Variants in CWC27 observed in about 807,000 individuals in gnomAD.
The protein encoded by CWC27 is spliceosome-associated protein CWC27 homolog.
Under a neutral mutation model 63.6 loss-of-function variants are expected in CWC27, and 47 were observed. The observed-to-expected ratio is 0.74, with a 90% CI of 0.58 to 0.94. The LOEUF (loss-of-function observed/expected upper bound fraction) is 0.94, where lower values mean the gene tolerates loss of function less well. Among genes scored for constraint, CWC27 ranks in the 40% least tolerant of loss-of-function variants. The pLI is 0.00. For synonymous variants in CWC27, 175 were observed against 179.8 expected (o/e 0.97, Z 0.22); for missense variants, 495 against 554.3 (o/e 0.89, Z 1.07).
At chr5:65,009,002 TA>T (rs11396601) in intron 13 of CWC27, among the ~76,000 whole-genome samples, 7 of 150,214 alleles carry the variant, frequency 4.7e-5, no homozygotes, top group South Asian at 2.1e-4. Context: ...GTAATTTATT[TA>T]AAAAAAAAAT....
intron 11 of CWC27, among the ~76,000 whole-genome samples, chr5:64,902,835 A>G (rs1245160301): frequency 6.6e-6 from 1 of 152,224 alleles, no homozygotes; most frequent in African/African-American, 2.4e-5. Flanking sequence ...ACTATTGGGT[A>G]GTACCACCCA....
At chr5:64,982,243 A>C (rs1485080312) in intron 13 of CWC27, among the ~76,000 whole-genome samples, 4 of 152,214 alleles carry the variant, frequency 2.6e-5, no homozygotes, top group African/African-American at 7.2e-5. Context: ...CAAAGCTTTC[A>C]ATACCTTTTA....
chr5:64,998,972 T>C (rs750991716), intron 13 of CWC27, among the ~76,000 whole-genome samples: 2 of 152,082 alleles, frequency 1.3e-5, no homozygotes, highest in African/African-American at 2.4e-5. Context: ...CTTTTCTCCA[T>C]TGATCTCTTT....
At chr5:64,814,351 C>T (rs1269116584) in intron 10 of CWC27, among the ~76,000 whole-genome samples, 1 of 151,996 alleles carries the variant, frequency 6.6e-6, no homozygotes, top group Non-Finnish European at 1.5e-5. Context: ...TAATAAGCAA[C>T]TTGAAAACAA....
chr5:64,804,196 C>T, intron 9 of CWC27, 33 bp from the exon 10 acceptor site: 3 of 1,548,162 alleles, frequency 1.9e-6, no homozygotes, highest in Non-Finnish European at 2.6e-6. Flanking sequence ...GGAAATTGAG[C>T]ACCTGGCAAA....
chr5:64,897,224 C>T (rs574133541), intron 11 of CWC27, among the ~76,000 whole-genome samples: 13 of 152,180 alleles, frequency 8.5e-5, no homozygotes, highest in African/African-American at 2.9e-4. Context: ...ACCCACTGAT[C>T]CCATTACTGG....
intron 12 of CWC27, among the ~76,000 whole-genome samples, chr5:64,972,250 G>T (rs915280868): frequency 4.6e-5 from 7 of 152,162 alleles, no homozygotes; most frequent in African/African-American, 1.7e-4. Context: ...TGGTCTGCTA[G>T]CTGACTTCTA....
chr5:65,002,010 C>T (rs973195291), intron 13 of CWC27, among the ~76,000 whole-genome samples: 1 of 151,962 alleles, frequency 6.6e-6, no homozygotes, highest in Non-Finnish European at 1.5e-5. Context: ...CTGGTCTGCT[C>T]AGGTTTTCTG....
rs181922845 is a variant in CWC27 at position 64,977,118 on chromosome 5, T to C, written c.1153-17T>C. On this transcript the variant is annotated splice_polypyrimidine_tract_variant and intron_variant, in intron 12 of 13. Transcript: ENST00000381070. The stretch of plus-strand genomic sequence containing the variant: ...TTATCTTTATCAGAAAACTTAGCAG[T>C]CTAATTGTTATTTCAGACCCTTGCA... The C allele has an allele frequency of 1.9e-3, 2,858 of 1,492,840 alleles. 4 individuals carry two copies. The highest frequency in any genetic ancestry group is 3.6e-3 in the Middle Eastern group (21 of 5,772). 92.5% of individuals were successfully genotyped at this position (1,492,840 alleles called of 1,614,324 possible). A position where few individuals can be genotyped will look rare whatever the true frequency, so the allele number is the denominator to read the frequency against.
intron 11 of CWC27, among the ~76,000 whole-genome samples, chr5:64,911,189 A>G (rs141572215): frequency 3.5e-4 from 54 of 152,330 alleles, no homozygotes; most frequent in Admixed American, 2.3e-3. Flanking sequence ...CGTGTTAACA[A>G]TCATTCCATT....
intron 10 of CWC27, among the ~76,000 whole-genome samples, chr5:64,868,067 CAG>C (rs1006069010): frequency 6.6e-6 from 1 of 151,784 alleles, no homozygotes; most frequent in African/African-American, 2.4e-5. Flanking sequence ...AATGTAAAAT[CAG>C]AGTGGAGTAT....
At chr5:64,997,443 A>G (rs994987601) in intron 13 of CWC27, among the ~76,000 whole-genome samples, 1 of 152,190 alleles carries the variant, frequency 6.6e-6, no homozygotes, top group Non-Finnish European at 1.5e-5. Context: ...TCTTCAGTGT[A>G]GTCATTATTA....
At chr5:64,809,789 G>T (rs1350102279) in intron 10 of CWC27, among the ~76,000 whole-genome samples, 1 of 152,086 alleles carries the variant, frequency 6.6e-6, no homozygotes, top group Non-Finnish European at 1.5e-5. Flanking sequence ...TATATATTTT[G>T]TATATTAGCC....
intron 13 of CWC27, among the ~76,000 whole-genome samples, chr5:64,979,520 A>G (rs1005817587): frequency 6.6e-6 from 1 of 152,346 alleles, no homozygotes; most frequent in African/African-American, 2.4e-5. Context: ...AGCTTTCTCA[A>G]GTCTCTGGTG....
At chr5:64,918,987 C>A (rs1460419709) in intron 11 of CWC27, among the ~76,000 whole-genome samples, 1 of 152,150 alleles carries the variant, frequency 6.6e-6, no homozygotes, top group Non-Finnish European at 1.5e-5. Flanking sequence ...TGTTTCATAG[C>A]AGTTCTTAAA....
At chr5:64,924,075 C>G (rs996853789) in intron 11 of CWC27, among the ~76,000 whole-genome samples, 2 of 152,190 alleles carry the variant, frequency 1.3e-5, no homozygotes, top group African/African-American at 4.8e-5. Flanking sequence ...TCCTAAAATA[C>G]TGTAATTAAT....
chr5:64,893,336 C>A (rs762953527), intron 11 of CWC27, among the ~76,000 whole-genome samples: 24 of 152,200 alleles, frequency 1.6e-4, no homozygotes, highest in Non-Finnish European at 2.9e-4. Context: ...TCTTCAACAT[C>A]TTGCAGCACT....
At chr5:64,892,906 C>T (rs1747275351) in intron 11 of CWC27, among the ~76,000 whole-genome samples, 1 of 151,946 alleles carries the variant, frequency 6.6e-6, no homozygotes. Flanking sequence ...ATCCTGAGCT[C>T]ATGTTGTAGT....
Position 64,844,291 on chromosome 5 carries a change from A to G in CWC27, c.938+39905A>G, listed in dbSNP as rs368809188. On this transcript the variant is annotated intron_variant, in intron 10 of 13. Transcript: ENST00000381070. The stretch of plus-strand genomic sequence containing the variant: ...GGTAGAAATAAAGGAGGCAGAGGTC[A>G]TATTGACCAGTGCATGGATCTTGAC... 1.0e-3 allele frequency among the ~76,000 whole-genome samples: 152 copies of G among 152,344 alleles called. 1 individual carries two copies. Among genetic ancestry groups the G allele is most frequent in the African/African-American group, 3.5e-3 (146 of 41,588 alleles).
Sources: allele counts gnomAD v4.1 joint callset (sites outside exome capture counted in the v4.1 genomes callset), GRCh38; gene constraint gnomAD v4.1.1; transcripts MANE v1.5; gene names NCBI Gene and HGNC (gene_info 2026-07-23, HGNC 2026-07-21).